Variants in LRRC63 observed in about 807,000 individuals in gnomAD.
LRRC63 encodes leucine-rich repeat-containing protein 63.
Under a neutral mutation model 49.5 loss-of-function variants are expected in LRRC63, and 40 were observed. That is an observed-to-expected ratio of 0.81 (90% CI 0.63 to 1.05). The LOEUF (loss-of-function observed/expected upper bound fraction) is 1.05, where lower values mean the gene tolerates loss of function less well. Among genes scored for constraint, LRRC63 ranks in the 50% least tolerant of loss-of-function variants. The probability of loss-of-function intolerance (pLI) is 0.00; values close to 1 mark genes in which losing one functional copy is unlikely to be tolerated. For synonymous variants in LRRC63, 191 were observed against 221.1 expected (o/e 0.86, Z 1.21); for missense variants, 636 against 663.1 (o/e 0.96, Z 0.45).
At position 46,269,863 on chromosome 13, in the gene LRRC63, G is replaced by A. The variant is rs143075671; in HGVS notation, c.1550+2891G>A. On this transcript the variant is annotated intron_variant, in intron 9 of 9. Transcript: ENST00000595396. ...ATATCTATATATCTACTATATAGAT[G>A]TAGTAGATATATCTACTGTATAGAT... Among the ~76,000 whole-genome samples, 386 of 146,080 alleles carry A rather than the reference G, an allele frequency of 2.6e-3. 2 individuals are homozygous for A. Among genetic ancestry groups the A allele is most frequent in the African/African-American group, 9.2e-3 (370 of 40,114 alleles).
chr13:46,270,208 A>G (rs2047737470), intron 9 of LRRC63: 1 of 838,432 alleles, frequency 1.2e-6, no homozygotes, highest in Non-Finnish European at 2.1e-6. Context: ...ACTCTAACCG[A>G]ATATGTGTCA....
chr13:46,226,221 C>T (rs1325856081), intron 2 of LRRC63, among the ~76,000 whole-genome samples: 3 of 151,980 alleles, frequency 2.0e-5, no homozygotes, highest in African/African-American at 7.3e-5. Flanking sequence ...TGGCCTCAAG[C>T]GATCCTGCTA....
chr13:46,260,139 G>A (rs761325161), intron 7 of LRRC63, among the ~76,000 whole-genome samples: 32 of 152,258 alleles, frequency 2.1e-4, no homozygotes, highest in African/African-American at 4.3e-4. Flanking sequence ...GCCTACACCT[G>A]TTACATCTCA....
intron 9 of LRRC63, 122 bp downstream of exon 9, chr13:46,267,094 C>A: frequency 1.1e-6 from 1 of 909,066 alleles, no homozygotes; most frequent in Non-Finnish European, 1.6e-6. Context: ...CACACAAAAC[C>A]ATACACACAA....
chr13:46,254,543 G>A (rs1225709457), intron 7 of LRRC63, among the ~76,000 whole-genome samples: 1 of 152,078 alleles, frequency 6.6e-6, no homozygotes, highest in Non-Finnish European at 1.5e-5. Flanking sequence ...TAAGAAAACA[G>A]GAAATTCATT....
chr13:46,219,518 C>G (rs970468794), intron 2 of LRRC63, among the ~76,000 whole-genome samples: 1 of 151,936 alleles, frequency 6.6e-6, no homozygotes, highest in Non-Finnish European at 1.5e-5. Flanking sequence ...TTTCAAAGTT[C>G]TTAGCTTCCT....
At position 46,250,700 on chromosome 13, in the gene LRRC63, A is replaced by G. The variant is rs1490539340; in HGVS notation, c.1226+209A>G. 2.0e-5 allele frequency among the ~76,000 whole-genome samples: 3 copies of G among 151,936 alleles called. 1 individual carries two copies. The highest frequency in any genetic ancestry group is 2.0e-4 in the Admixed American group (3 of 15,216). On this transcript the variant is annotated intron_variant, in intron 7 of 9. Coordinates refer to ENST00000595396, the Ensembl canonical transcript of LRRC63. The stretch of plus-strand genomic sequence containing the variant: ...ATTAATATGGGTCTAGTGACTATAC[A>G]TTTAGAAACACGTTATCTGAGTACG...
At chr13:46,264,794 G>T (rs1381726590) in intron 8 of LRRC63, among the ~76,000 whole-genome samples, 3 of 152,170 alleles carry the variant, frequency 2.0e-5, no homozygotes, top group African/African-American at 7.2e-5. Context: ...GGATGAGGAG[G>T]AAGCTTCTCT....
At chr13:46,246,061 G>A (rs1356714909) in intron 5 of LRRC63, among the ~76,000 whole-genome samples, 1 of 152,074 alleles carries the variant, frequency 6.6e-6, no homozygotes, top group Non-Finnish European at 1.5e-5. Context: ...GATAGCAAGC[G>A]AGTTCTCATG....
chr13:46,230,164 C>G (rs937524210), intron 4 of LRRC63, among the ~76,000 whole-genome samples: 1 of 152,168 alleles, frequency 6.6e-6, no homozygotes, highest in Admixed American at 6.5e-5. Flanking sequence ...CACTCCACCT[C>G]TGGCCCCTCA....
intron 5 of LRRC63, among the ~76,000 whole-genome samples, chr13:46,241,482 T>C (rs1265441466): frequency 6.6e-6 from 1 of 152,134 alleles, no homozygotes; most frequent in African/African-American, 2.4e-5. Context: ...GGGGTATAAT[T>C]AAACTAAAGA....
intron 9 of LRRC63, among the ~76,000 whole-genome samples, chr13:46,267,740 T>A (rs775679647): frequency 6.6e-6 from 1 of 152,206 alleles, no homozygotes; most frequent in Admixed American, 6.5e-5. Context: ...AAGATGTCAA[T>A]ATTCATGAAT....
chr13:46,267,080 G>A (rs959767578), intron 9 of LRRC63, 108 bp downstream of exon 9: 3 of 1,028,234 alleles, frequency 2.9e-6, no homozygotes, highest in Non-Finnish European at 4.1e-6. Flanking sequence ...CATACTCCAT[G>A]ACACACACAA....
chr13:46,266,967 A>G (rs2047692491), exon 9 of LRRC63: 1 of 1,528,456 alleles, frequency 6.5e-7, no homozygotes, highest in Non-Finnish European at 8.8e-7. Flanking sequence ...AGAAGTTACT[A>G]AAATGGTGAG....
intron 5 of LRRC63, among the ~76,000 whole-genome samples, chr13:46,236,553 A>G (rs1419200923): frequency 6.6e-6 from 1 of 152,146 alleles, no homozygotes; most frequent in Non-Finnish European, 1.5e-5. Flanking sequence ...CAATCTGTCA[A>G]CCAAAAGTCT....
intron 5 of LRRC63, among the ~76,000 whole-genome samples, chr13:46,238,505 C>G (rs1430566315): frequency 6.6e-6 from 1 of 152,024 alleles, no homozygotes; most frequent in Non-Finnish European, 1.5e-5. Flanking sequence ...GACAGTTCCA[C>G]ATGGCTGGGG....
At chr13:46,258,536 A>C (rs75105294) in intron 7 of LRRC63, among the ~76,000 whole-genome samples, 3 of 149,522 alleles carry the variant, frequency 2.0e-5, no homozygotes, top group Admixed American at 6.6e-5. Context: ...TTGGCTGGGC[A>C]TGGTGGCTCA....
chr13:46,271,721 T>TA (rs56215272), intron 9 of LRRC63, among the ~76,000 whole-genome samples: 37,980 of 131,892 alleles, frequency 0.29, 5,099 homozygotes, highest in East Asian at 0.37. Flanking sequence ...TCATTTAAAC[T>TA]AAAAAAAAAA....
At chr13:46,233,039 C>T (rs2046809302) in intron 4 of LRRC63, among the ~76,000 whole-genome samples, 1 of 152,196 alleles carries the variant, frequency 6.6e-6, no homozygotes, top group Non-Finnish European at 1.5e-5. Context: ...TACCATTCCT[C>T]CCAGAACTTT....
Sources: allele counts gnomAD v4.1 joint callset (sites outside exome capture counted in the v4.1 genomes callset), GRCh38; gene constraint gnomAD v4.1.1; transcripts MANE v1.5; gene names NCBI Gene and HGNC (gene_info 2026-07-23, HGNC 2026-07-21).